The following TUBE1 variants were observed in gnomAD, a reference collection of about 807,000 sequenced individuals.
TUBE1 encodes tubulin epsilon 1.
Under a neutral mutation model 53.5 loss-of-function variants are expected in TUBE1, and 34 were observed. The ratio of observed to expected loss-of-function variants is 0.64; its 90% CI spans 0.48 to 0.85. TUBE1 has a LOEUF of 0.85. Ranked by LOEUF, TUBE1 falls within the 40% of genes least tolerant of loss-of-function variation. The pLI is 0.00. For missense variants in TUBE1, 532 were observed against 570.5 expected (o/e 0.93, Z 0.69); for synonymous variants, 177 against 198.4 (o/e 0.89, Z 0.91).
At chr6:112,081,925 G>A (rs1027676382) in intron 4 of TUBE1, among the ~76,000 whole-genome samples, 4 of 151,796 alleles carry the variant, frequency 2.6e-5, no homozygotes, top group Non-Finnish European at 2.9e-5. Flanking sequence ...ATTCTACAGC[G>A]AGGAAGAAGA....
rs372904385 is a variant in TUBE1, at chr6:112,079,689, G to A, written c.392C>T (p.Ser131Leu). ...CTGCAAGCAATCACAGTGCTCTGCC[G>A]ACTTTCTGAATTTCTCTAAAATCTG... is the stretch of plus-strand genomic sequence containing the variant. ...QDQILEKFRK[S>L]AEHCDCLQCF... Residue 131 changes from serine (S) to leucine (L), a missense_variant, in exon 6 of 12, where the codon TCG becomes TTG. Ser to Leu is a moderately radical substitution (Grantham distance 145, BLOSUM62 -2). Coordinates refer to ENST00000368662, the MANE Select transcript of TUBE1 (RefSeq NM_016262.5). 1.5e-5 allele frequency: 24 copies of A among 1,611,838 alleles called. No homozygotes were observed. Among genetic ancestry groups the A allele is most frequent in the Middle Eastern group, 1.6e-4 (1 of 6,076 alleles).
At chr6:112,078,707 T>A (rs1444352042) in intron 6 of TUBE1, 3 of 152,052 alleles carry the variant, frequency 2.0e-5, no homozygotes, top group Admixed American at 6.6e-5. Flanking sequence ...TATAACGAAC[T>A]ATAAATCAAA....
intron 3 of TUBE1, among the ~76,000 whole-genome samples, chr6:112,084,987 C>T (rs782385705): frequency 3.3e-5 from 5 of 152,174 alleles, no homozygotes; most frequent in Admixed American, 6.5e-5. Context: ...GCCTGTTTTC[C>T]TAAATAAAAT....
Position 112,071,170 on chromosome 6 carries a change from T to C in TUBE1, c.*242A>G. ...AGCAAAATATTCAAGAACTATGTTA[T>C]CTCAATTTTAGAAAAGGGAACTTTT... On this transcript the variant is annotated 3_prime_UTR_variant, in exon 12 of 12. Coordinates refer to ENST00000368662, the MANE Select transcript of TUBE1 (RefSeq NM_016262.5). 2.7e-6 allele frequency: 1 copy of C among 368,740 alleles called. No homozygotes were observed. Among genetic ancestry groups the C allele is most frequent in the Non-Finnish European group, 4.9e-6 (1 of 206,068 alleles). 22.8% of individuals were successfully genotyped at this position (368,740 alleles called of 1,614,324 possible).
rs1219020501 is a variant in TUBE1 at position 112,070,798 on chromosome 6, T to C, written c.*614A>G. ...ACTGTTGAAAAATATAGACATTTAT[T>C]ATAAAATCAATTGGTTTGATAAGAA... On this transcript the variant is annotated 3_prime_UTR_variant, in exon 12 of 12. Coordinates refer to ENST00000368662, the MANE Select transcript of TUBE1 (RefSeq NM_016262.5). 6.6e-6 allele frequency: 1 copy of C among 152,150 alleles called. No individual in the cohort carries two copies. Among genetic ancestry groups the C allele is most frequent in the Non-Finnish European group, 1.5e-5 (1 of 68,022 alleles). 9.4% of individuals were successfully genotyped at this position (152,150 alleles called of 1,614,324 possible).
rs1554315845 is a variant in TUBE1, at chr6:112,075,065, TTTC to T, written c.813-218_813-216del. On this transcript the variant is annotated intron_variant, in intron 8 of 11. Coordinates refer to ENST00000368662, the MANE Select transcript of TUBE1 (RefSeq NM_016262.5). ...ACACAACATCTACATTTTTTTTTTC[TTTC>T]TTTTTTTTTTTTTTTTGAGACAGGG... is the stretch of plus-strand genomic sequence containing the variant. The T allele has an allele frequency of 3.8e-3, 500 of 130,562 alleles. 6 individuals are homozygous for T. Among genetic ancestry groups the T allele is most frequent in the Non-Finnish European group, 5.0e-3 (344 of 69,302 alleles). 8.1% of individuals were successfully genotyped at this position (130,562 alleles called of 1,614,324 possible). A position where few individuals can be genotyped will look rare whatever the true frequency, so the allele number is the denominator to read the frequency against.
Position 112,071,393 on chromosome 6 carries a change from A to G in TUBE1, c.*19T>C. ...AAAAACAATGTGAAATTAAGAAAGTATTTTTGAGGGTTTCTTTTTCACATA... is the reference window on the plus strand; with the variant it reads ...AAAAACAATGTGAAATTAAGAAAGTGTTTTTGAGGGTTTCTTTTTCACATA... On this transcript the variant is annotated 3_prime_UTR_variant, in exon 12 of 12. Coordinates refer to ENST00000368662, the MANE Select transcript of TUBE1 (RefSeq NM_016262.5). 6.8e-7 allele frequency: 1 copy of G among 1,467,814 alleles called. No homozygotes were observed. The highest frequency in any genetic ancestry group is 9.1e-7 in the Non-Finnish European group (1 of 1,095,070). The allele number at this position is 1,467,814 out of a possible 1,614,324, so 90.9% of individuals were successfully genotyped here. A position where few individuals can be genotyped will look rare whatever the true frequency, so the allele number is the denominator to read the frequency against.
At chr6:112,074,490 T>G (rs1320161887) in intron 9 of TUBE1, among the ~76,000 whole-genome samples, 2 of 152,132 alleles carry the variant, frequency 1.3e-5, no homozygotes, top group Non-Finnish European at 2.9e-5. Flanking sequence ...GCCTACAAAT[T>G]TAATCATTAG....
At chr6:112,086,790 T>C in intron 2 of TUBE1, 182 bp from the exon 3 acceptor site, 1 of 535,360 alleles carries the variant, frequency 1.9e-6, no homozygotes, top group South Asian at 2.8e-5. Context: ...ATGCCAGATC[T>C]ACAGATAAAA....
chr6:112,083,409 C>A (rs1351035646), intron 4 of TUBE1, among the ~76,000 whole-genome samples: 2 of 151,694 alleles, frequency 1.3e-5, no homozygotes, highest in East Asian at 1.9e-4. Flanking sequence ...GCTCTGCCCC[C>A]CGGGGTTCAC....
chr6:112,082,271 A>G lies in TUBE1; in HGVS notation c.211-1064T>C, dbSNP rs587639813. ...GTATAGGATTATGTTTGGCAATGTT[A>G]GGTATTTTCAAGCATATTTCTGACA... On this transcript the variant is annotated intron_variant, in intron 4 of 11. Transcript: ENST00000368662. 3.9e-5 allele frequency among the ~76,000 whole-genome samples: 6 copies of G among 152,322 alleles called. 1 individual carries two copies. The South Asian group carries it at 1.2e-3, about 32-fold the overall frequency.
Position 112,071,572 on chromosome 6 carries a change from T to C in TUBE1, c.1270-2A>G. 6.3e-7 allele frequency: 1 copy of C among 1,594,034 alleles called. No individual in the cohort carries two copies. On this transcript the variant is annotated splice_acceptor_variant, in intron 11 of 11. Transcript: ENST00000368662. LOFTEE classifies it high-confidence loss of function. ...TTGTAGATAGTGATGAAGGTGAGCC[T>C]ATAAATTAAAAAATTAGGTAACGTT...
chr6:112,079,813 TTCTAA>T (rs1777041019), intron 5 of TUBE1, 59 bp from the exon 6 acceptor site: 2 of 1,488,976 alleles, frequency 1.3e-6, no homozygotes, highest in South Asian at 1.3e-5. Context: ...ATTTGATTAG[TTCTAA>T]TCTAAATAAA....
At chr6:112,078,150 G>T (rs1777003511) in intron 6 of TUBE1, 1 of 151,932 alleles carries the variant, frequency 6.6e-6, no homozygotes, top group Non-Finnish European at 1.5e-5. Context: ...CCAGTAAGAA[G>T]CACTGGTGCA....
Position 112,079,735 on chromosome 6 carries a change from A to G in TUBE1, c.346T>C (p.Phe116Leu). ...ATCTGGTCTTGGTAAAGACTGCCGAAAACTTTGTGACCCACGGCCCTGAAA... is the reference window on the plus strand; with the variant it reads ...ATCTGGTCTTGGTAAAGACTGCCGAGAACTTTGTGACCCACGGCCCTGAAA... ...GNNWAVGHKV[F>L]GSLYQDQILE... is the part of the protein sequence containing the mutation. Residue 116 changes from phenylalanine to leucine, a missense_variant, in exon 6 of 12, where the codon TTC becomes CTC. Phe to Leu is a conservative substitution (Grantham distance 22, BLOSUM62 0). Transcript: ENST00000368662. 1 of 1,609,688 alleles carries G rather than the reference A, an allele frequency of 6.2e-7. No individual in the cohort carries two copies. The highest frequency in any genetic ancestry group is 8.5e-7 in the Non-Finnish European group (1 of 1,178,326).
intron 9 of TUBE1, among the ~76,000 whole-genome samples, chr6:112,073,918 A>G (rs1776910328): frequency 6.6e-6 from 1 of 152,068 alleles, no homozygotes. Context: ...TGGGACTACA[A>G]GTGCAGACAG....
intron 3 of TUBE1, among the ~76,000 whole-genome samples, chr6:112,086,243 T>C (rs930188490): frequency 2.0e-5 from 3 of 152,208 alleles, no homozygotes; most frequent in African/African-American, 7.2e-5. Flanking sequence ...ATGTAAACAA[T>C]ATATTTTTCT....
intron 3 of TUBE1, 22 bp downstream of exon 3, chr6:112,086,534 A>G: frequency 1.3e-6 from 2 of 1,594,534 alleles, no homozygotes; most frequent in Non-Finnish European, 1.7e-6. Flanking sequence ...TCACACTGTG[A>G]CAGACTTTAA....
intron 8 of TUBE1, 164 bp from the exon 9 acceptor site, chr6:112,075,014 C>A: frequency 1.8e-5 from 6 of 333,466 alleles, no homozygotes; most frequent in East Asian, 4.9e-5. Context: ...AGTATCAGAA[C>A]AATCATGTAT....
Sources: allele counts gnomAD v4.1 joint callset (sites outside exome capture counted in the v4.1 genomes callset), GRCh38; gene constraint gnomAD v4.1.1; transcripts MANE v1.5; gene names NCBI Gene and HGNC (gene_info 2026-07-23, HGNC 2026-07-21).